PSD3: variants seen among roughly 807,000 people sequenced by gnomAD.
The protein encoded by PSD3 is pleckstrin and Sec7 domain containing 3.
PSD3 carries 49 observed loss-of-function variants against 105.5 expected under a neutral mutation model. The observed-to-expected ratio is 0.46, with a 90% CI of 0.37 to 0.59. The LOEUF is 0.59. Among genes scored for constraint, PSD3 ranks in the 20% least tolerant of loss-of-function variants. PSD3 has a pLI of 0.00. For missense variants in PSD3, 1,561 were observed against 1,263.8 expected, an observed-to-expected ratio of 1.24 and a Z score of -3.57; for synonymous variants, 557 against 457.8, an observed-to-expected ratio of 1.22 and a Z score of -2.77.
chr8:18,560,831 G>A (rs1226542624), intron 14 of PSD3, among the ~76,000 whole-genome samples: 7 of 152,108 alleles, frequency 4.6e-5, no homozygotes, highest in African/African-American at 1.2e-4. Context: ...ACTTCATATC[G>A]AAACTTAATC....
intron 9 of PSD3, among the ~76,000 whole-genome samples, chr8:18,681,445 T>C (rs1336322822): frequency 4.7e-4 from 44 of 93,468 alleles, no homozygotes; most frequent in African/African-American, 2.6e-3. Flanking sequence ...TGTTTCTGTT[T>C]CAAAAAAAAA....
chr8:18,604,466 C>G (rs1471087568), intron 11 of PSD3, among the ~76,000 whole-genome samples: 1 of 151,626 alleles, frequency 6.6e-6, no homozygotes, highest in Non-Finnish European at 1.5e-5. Context: ...AAAGAAATGA[C>G]CTAAAACTGG....
At chr8:18,721,032 C>G (rs1802934487) in intron 9 of PSD3, 1 of 152,090 alleles carries the variant, frequency 6.6e-6, no homozygotes, top group Non-Finnish European at 1.5e-5. Flanking sequence ...CACTAGCATT[C>G]TACTGGTTTT....
chr8:18,765,666 C>T, intron 8 of PSD3, 128 bp from the exon 9 acceptor site: 1 of 762,918 alleles, frequency 1.3e-6, no homozygotes, highest in South Asian at 1.6e-5. Flanking sequence ...GTGGCTCACG[C>T]CTGTAACTTC....
chr8:18,565,856 G>C (rs1249777480), intron 14 of PSD3, among the ~76,000 whole-genome samples: 2 of 152,108 alleles, frequency 1.3e-5, no homozygotes, highest in African/African-American at 4.8e-5. Context: ...AGACATTTTT[G>C]GTTGTTAGAA....
intron 12 of PSD3, among the ~76,000 whole-genome samples, chr8:18,591,005 C>T (rs774947335): frequency 2.0e-5 from 3 of 152,120 alleles, no homozygotes; most frequent in Non-Finnish European, 4.4e-5. Flanking sequence ...GTTAGCAAGA[C>T]AGCAGAATAG....
intron 1 of PSD3, among the ~76,000 whole-genome samples, chr8:19,049,923 ACCAATC>A: frequency 6.6e-6 from 1 of 152,306 alleles, no homozygotes; most frequent in Middle Eastern, 3.4e-3. Flanking sequence ...ATTAATAAAA[ACCAATC>A]ATGACAAGGG....
intron 9 of PSD3, among the ~76,000 whole-genome samples, chr8:18,673,386 G>T (rs1457846907): frequency 9.9e-5 from 15 of 152,082 alleles, no homozygotes; most frequent in Admixed American, 1.3e-4. Context: ...TAAGATTTTT[G>T]ATTTCCCTGG....
chr8:18,763,958 A>G (rs1227056512), intron 9 of PSD3, among the ~76,000 whole-genome samples: 4 of 152,156 alleles, frequency 2.6e-5, no homozygotes, highest in African/African-American at 9.7e-5. Context: ...AACAGCAACA[A>G]ATCATCTGGC....
chr8:18,992,231 T>C (rs1366802710), intron 1 of PSD3, among the ~76,000 whole-genome samples: 1 of 152,122 alleles, frequency 6.6e-6, no homozygotes, highest in East Asian at 1.9e-4. Flanking sequence ...TCAAAAGGTA[T>C]GTCTCATTAA....
intron 9 of PSD3, among the ~76,000 whole-genome samples, chr8:18,707,648 C>G (rs1801983739): frequency 6.6e-6 from 1 of 152,168 alleles, no homozygotes; most frequent in African/African-American, 2.4e-5. Context: ...CTCTTGAGGT[C>G]AGAAGTGGTA....
intron 11 of PSD3, among the ~76,000 whole-genome samples, chr8:18,631,974 T>C (rs1585442405): frequency 6.6e-6 from 1 of 152,042 alleles, no homozygotes; most frequent in Non-Finnish European, 1.5e-5. Flanking sequence ...TCTAACTATA[T>C]AAGCATGCTC....
chr8:18,840,498 AGTGT>A (rs1814531342), intron 4 of PSD3, among the ~76,000 whole-genome samples: 1 of 151,878 alleles, frequency 6.6e-6, no homozygotes, highest in Admixed American at 6.6e-5. Flanking sequence ...AACGATAGTT[AGTGT>A]GTACTAAGCA....
At chr8:18,614,343 C>T (rs1224971576) in intron 11 of PSD3, among the ~76,000 whole-genome samples, 2 of 150,150 alleles carry the variant, frequency 1.3e-5, no homozygotes, top group Non-Finnish European at 3.0e-5. Context: ...TCCCCCATCC[C>T]CCCCCCAAAA....
intron 9 of PSD3, chr8:18,762,934 G>A: frequency 1.6e-6 from 2 of 1,282,526 alleles, no homozygotes; most frequent in Non-Finnish European, 2.0e-6. Flanking sequence ...TTTATTTTAT[G>A]GAGAAAGACA....
intron 1 of PSD3, among the ~76,000 whole-genome samples, chr8:18,968,614 C>T (rs951681065): frequency 6.6e-6 from 1 of 152,142 alleles, no homozygotes; most frequent in African/African-American, 2.4e-5. Flanking sequence ...TGGTGGCTCA[C>T]GCCTGTAATC....
At chr8:18,834,219 A>G (rs1813909083) in intron 4 of PSD3, among the ~76,000 whole-genome samples, 1 of 152,228 alleles carries the variant, frequency 6.6e-6, no homozygotes, top group Non-Finnish European at 1.5e-5. Context: ...TAAAGAAGGT[A>G]TTTCTAACCT....
At chr8:18,799,065 T>A in intron 8 of PSD3, 1 of 476,310 alleles carries the variant, frequency 2.1e-6, no homozygotes, top group Non-Finnish European at 3.8e-6. Context: ...ACACACACAT[T>A]ACTGCTAAAA....
chr8:18,566,730 T>C (rs919293775), intron 14 of PSD3, among the ~76,000 whole-genome samples: 2 of 152,208 alleles, frequency 1.3e-5, no homozygotes, highest in East Asian at 3.8e-4. Context: ...ATATTTCTTT[T>C]TGGTTATTAC....
Sources: allele counts gnomAD v4.1 joint callset (sites outside exome capture counted in the v4.1 genomes callset), GRCh38; gene constraint gnomAD v4.1.1; transcripts MANE v1.5; gene names NCBI Gene and HGNC (gene_info 2026-07-23, HGNC 2026-07-21).